BEAN1: variants seen among roughly 807,000 people sequenced by gnomAD.
BEAN1 encodes protein BEAN1.
Under a neutral mutation model 17.7 loss-of-function variants are expected in BEAN1, and 17 were observed. The ratio of observed to expected loss-of-function variants is 0.96; its 90% confidence interval spans 0.66 to 1.44. The LOEUF (loss-of-function observed/expected upper bound fraction) is 1.44. Among genes scored for constraint, BEAN1 ranks in the 40% most tolerant of loss-of-function variants. The pLI is 0.00. For synonymous variants in BEAN1, 142 were observed against 151.8 expected (o/e 0.94, Z 0.47); for missense variants, 359 against 374.1 (o/e 0.96, Z 0.33).
At chr16:66,459,584 G>A (rs1169692968) in intron 2 of BEAN1, among the ~76,000 whole-genome samples, 1 of 152,092 alleles carries the variant, frequency 6.6e-6, no homozygotes, top group Non-Finnish European at 1.5e-5. Flanking sequence ...GCCTCCCAAA[G>A]TGCTGAGATT....
downstream of BEAN1, chr16:66,485,024 A>G: frequency 2.2e-6 from 1 of 454,078 alleles, no homozygotes; most frequent in Non-Finnish European, 4.4e-6. Context: ...GGGTGTGGTG[A>G]GGTCCCAGGT....
At chr16:66,437,328 C>CCACT (rs112297400) in intron 1 of BEAN1, among the ~76,000 whole-genome samples, 103,812 of 151,090 alleles carry the variant, frequency 0.69, 36,096 homozygotes, top group African/African-American at 0.78. Flanking sequence ...ATCCTAATTC[C>CCACT]CAAAGATCCA....
At position 66,481,216 on chromosome 16, in the gene BEAN1, C is replaced by G. The variant is rs142124311; in HGVS notation, c.*291C>G. 4.9e-6 allele frequency: 2 copies of G among 407,432 alleles called. No homozygotes were observed. Among genetic ancestry groups the G allele is most frequent in the South Asian group, 2.1e-4 (2 of 9,588 alleles). 25.2% of individuals were successfully genotyped at this position (407,432 alleles called of 1,614,324 possible). On this transcript the variant is annotated 3_prime_UTR_variant, in exon 5 of 5. Transcript: ENST00000536005. The surrounding 1 kb of genome is among the most constrained non-coding windows in gnomAD (Gnocchi z 4.1). ...TCTCCTGGCCTCCCGTCCCTCCTCC[C>G]GGCCTGTTTGTTGTGCCTCTGTAGA...
In BEAN1 at chr16:66,480,806, G is replaced by A. The variant is rs534767224; in HGVS notation, c.661G>A (p.Gly221Arg). The A allele has an allele frequency of 1.9e-5, 29 of 1,544,718 alleles. No individual in the cohort carries two copies. Among genetic ancestry groups the A allele is most frequent in the South Asian group, 4.8e-5 (4 of 83,480 alleles). ...DTLPPYEAVCGAGPPSGLLPL... is the reference protein window; with the variant it reads ...DTLPPYEAVCRAGPPSGLLPL... The stretch of plus-strand genomic sequence containing the variant: ...CCTTCCCCCCTACGAGGCTGTGTGC[G>A]GGGCTGGCCCCCCATCAGGCCTGCT... The change falls in exon 5 of 5, where the codon GGG becomes AGG. Residue 221 changes from glycine (G) to arginine (R), a missense_variant. Gly to Arg is a moderately radical substitution (Grantham distance 125). Coordinates refer to ENST00000536005, the MANE Select transcript of BEAN1 (RefSeq NM_001178020.3).
At chr16:66,441,853 G>A (rs1962271895) in intron 2 of BEAN1, among the ~76,000 whole-genome samples, 1 of 152,112 alleles carries the variant, frequency 6.6e-6, no homozygotes, top group Non-Finnish European at 1.5e-5. Context: ...AGGCTGGGCT[G>A]ACCCCTCCTA....
intron 3 of BEAN1, among the ~76,000 whole-genome samples, chr16:66,474,626 G>GAGGA (rs1963652997): frequency 2.2e-5 from 1 of 46,324 alleles, no homozygotes; most frequent in Admixed American, 1.8e-4. Context: ...GGAAGGGAGG[G>GAGGA]AGGGAGGGAG....
intron 2 of BEAN1, among the ~76,000 whole-genome samples, chr16:66,439,645 G>T (rs1268013377): frequency 6.6e-6 from 1 of 152,152 alleles, no homozygotes; most frequent in Non-Finnish European, 1.5e-5. Flanking sequence ...TTTAGAAGTG[G>T]CTCCTGCACA....
chr16:66,432,963 G>A (rs1298845631), intron 1 of BEAN1, among the ~76,000 whole-genome samples: 1 of 152,108 alleles, frequency 6.6e-6, no homozygotes, highest in Non-Finnish European at 1.5e-5. Flanking sequence ...TGTTTTTCCT[G>A]TACTGTTAGC....
At chr16:66,486,545 G>A (rs1199012906), downstream of BEAN1, among the ~76,000 whole-genome samples, 5 of 152,108 alleles carry the variant, frequency 3.3e-5, no homozygotes, top group South Asian at 2.1e-4. Context: ...GTGAGCCACC[G>A]CACCCAGCCA....
intron 1 of BEAN1, among the ~76,000 whole-genome samples, chr16:66,428,846 A>C (rs1961686009): frequency 6.6e-6 from 1 of 152,124 alleles, no homozygotes; most frequent in African/African-American, 2.4e-5. Flanking sequence ...GTTGACATTT[A>C]ATTGCAAAGC....
intron 2 of BEAN1, among the ~76,000 whole-genome samples, chr16:66,440,411 G>A (rs554079263): frequency 1.3e-5 from 2 of 152,128 alleles, no homozygotes; most frequent in African/African-American, 2.4e-5. Context: ...GATTACAGGC[G>A]TGAGCCACAG....
Position 66,473,297 on chromosome 16 carries a change from A to G in BEAN1, c.289+3432A>G, listed in dbSNP as rs1963555900. On this transcript the variant is annotated intron_variant, in intron 3 of 4. Coordinates refer to ENST00000536005, the MANE Select transcript of BEAN1 (RefSeq NM_001178020.3). This position sits in a 1 kb window ranked among gnomAD's most constrained non-coding sequence, Gnocchi z 4.5. The stretch of plus-strand genomic sequence containing the variant: ...GGTCACAGCTCTGCCAAGCGGGGTC[A>G]GGCCTTGGCTTCCCCACTGCAGCCT... Among the ~76,000 whole-genome samples, 1 of 152,042 alleles carries G rather than the reference A, an allele frequency of 6.6e-6. No individual in the cohort carries two copies. Among genetic ancestry groups the G allele is most frequent in the Non-Finnish European group, 1.5e-5 (1 of 67,990 alleles).
intron 2 of BEAN1, among the ~76,000 whole-genome samples, chr16:66,448,108 T>C (rs1370788739): frequency 1.3e-5 from 2 of 152,206 alleles, no homozygotes; most frequent in Non-Finnish European, 2.9e-5. Flanking sequence ...CCCTCCTGCC[T>C]GTTGCAATCC....
chr16:66,429,911 C>T lies in BEAN1; in HGVS notation c.-83+2480C>T, dbSNP rs562216052. ...CTTTAGGAATAATCAGCCGGACACC[C>T]TCAGAGGACCATTGTCTGAAACTCT... On this transcript the variant is annotated intron_variant, in intron 1 of 4. Coordinates refer to ENST00000536005, the MANE Select transcript of BEAN1 (RefSeq NM_001178020.3). Among the ~76,000 whole-genome samples, 199 of 152,328 alleles carry T rather than the reference C, an allele frequency of 1.3e-3. 1 individual carries two copies. The highest frequency in any genetic ancestry group is 4.7e-3 in the African/African-American group (195 of 41,570).
At chr16:66,491,222 T>C (rs538477752) in intron 4 of BEAN1, among the ~76,000 whole-genome samples, 1 of 152,334 alleles carries the variant, frequency 6.6e-6, no homozygotes, top group East Asian at 1.9e-4. Flanking sequence ...TGGCTCTGTC[T>C]GCCAGAGGAA....
chr16:66,458,002 T>G (rs1199343391), intron 2 of BEAN1, among the ~76,000 whole-genome samples: 1 of 151,868 alleles, frequency 6.6e-6, no homozygotes, highest in East Asian at 1.9e-4. Context: ...GGAGGAAGAG[T>G]GTACTGATGA....
At chr16:66,442,744 G>A (rs1208218305) in intron 2 of BEAN1, among the ~76,000 whole-genome samples, 31 of 152,210 alleles carry the variant, frequency 2.0e-4, no homozygotes, top group Non-Finnish European at 5.9e-5. Context: ...GCTCGAAATT[G>A]ACATGCTACA....
At chr16:66,457,020 A>C (rs898677780) in intron 2 of BEAN1, among the ~76,000 whole-genome samples, 3 of 152,196 alleles carry the variant, frequency 2.0e-5, no homozygotes, top group Non-Finnish European at 2.9e-5. Context: ...TCTCCTGTTC[A>C]CTCTGACACA....
chr16:66,466,783 G>A (rs1963274978), intron 2 of BEAN1, among the ~76,000 whole-genome samples: 1 of 152,032 alleles, frequency 6.6e-6, no homozygotes, highest in Admixed American at 6.6e-5. Context: ...TGGTCAGGCG[G>A]GTCTCAACCT....
Sources: allele counts gnomAD v4.1 joint callset (sites outside exome capture counted in the v4.1 genomes callset), GRCh38; gene constraint gnomAD v4.1.1; non-coding constraint Gnocchi (gnomAD v3.1); transcripts MANE v1.5; gene names NCBI Gene and HGNC (gene_info 2026-07-23, HGNC 2026-07-21).